TMEM33: variants seen among roughly 807,000 people sequenced by gnomAD.
TMEM33 encodes transmembrane protein 33.
In TMEM33, 16 loss-of-function variants were observed where a neutral mutation model predicts 29.7. That is an observed-to-expected ratio of 0.54 (90% confidence interval 0.36 to 0.82). The LOEUF (loss-of-function observed/expected upper bound fraction) is 0.82, where lower values mean the gene tolerates loss of function less well. Among genes scored for constraint, TMEM33 ranks in the 40% least tolerant of loss-of-function variants. TMEM33 has a pLI of 0.00. For missense variants in TMEM33, 252 were observed against 295.3 expected (o/e 0.85, Z 1.08); for synonymous variants, 112 against 109.4 (o/e 1.02, Z -0.15).
chr4:41,935,755 C>T (rs1427539233), intron 1 of TMEM33, among the ~76,000 whole-genome samples: 1 of 152,164 alleles, frequency 6.6e-6, no homozygotes, highest in Non-Finnish European at 1.5e-5. Flanking sequence ...AGCTGGTGGC[C>T]CCCACCTGTA....
At position 41,954,371 on chromosome 4, in the gene TMEM33, A is replaced by G. The variant is rs1175308260; in HGVS notation, c.*172A>G. ...TTTCTTGGCATGTTAAATCAAGCTT[A>G]AAAAGTTTTGAGAAAATTTTACTGC... is the stretch of plus-strand genomic sequence containing the variant. On this transcript the variant is annotated 3_prime_UTR_variant, in exon 7 of 7. Coordinates refer to ENST00000504986, the MANE Select transcript of TMEM33 (RefSeq NM_018126.3). The G allele has an allele frequency of 2.4e-6, 2 of 827,578 alleles. No homozygotes were observed. The highest frequency in any genetic ancestry group is 3.0e-5 in the East Asian group (1 of 33,560). 51.3% of individuals were successfully genotyped at this position (827,578 alleles called of 1,614,324 possible).
At chr4:41,947,628 A>T (rs1712853663) in intron 5 of TMEM33, among the ~76,000 whole-genome samples, 1 of 152,216 alleles carries the variant, frequency 6.6e-6, no homozygotes, top group African/African-American at 2.4e-5. Context: ...AAATCAGCTT[A>T]TAAAGTGGTA....
chr4:41,954,966 T>C lies in TMEM33; in HGVS notation c.*767T>C, dbSNP rs1713198425. The C allele has an allele frequency of 6.6e-6, 1 of 152,630 alleles. No homozygotes were observed. Among genetic ancestry groups the C allele is most frequent in the South Asian group, 2.1e-4 (1 of 4,838 alleles). 9.5% of individuals were successfully genotyped at this position (152,630 alleles called of 1,614,324 possible). ...CTCAAACAGGAAATCCTTCTTTTAC[T>C]AATGTGGACATATAGATTATTCGTA... On this transcript the variant is annotated 3_prime_UTR_variant, in exon 7 of 7. Coordinates refer to ENST00000504986, the MANE Select transcript of TMEM33 (RefSeq NM_018126.3).
In TMEM33 at chr4:41,937,103, T is replaced by C. The variant is rs77460735; in HGVS notation, c.46-1499T>C. On this transcript the variant is annotated intron_variant, in intron 1 of 6. Coordinates refer to ENST00000504986, the MANE Select transcript of TMEM33 (RefSeq NM_018126.3). ...GGTTGGACAGTTTACTCTTAAAAAATGTATACCAATAGACTTTCTTAAACT... is the reference window on the plus strand; with the variant it reads ...GGTTGGACAGTTTACTCTTAAAAAACGTATACCAATAGACTTTCTTAAACT... Among the ~76,000 whole-genome samples the C allele has an allele frequency of 3.8e-3, 578 of 151,630 alleles. 1 individual carries two copies. The highest frequency in any genetic ancestry group is 6.4e-3 in the Non-Finnish European group (433 of 67,962).
Position 41,954,055 on chromosome 4 carries a change from T to C in TMEM33, c.615-15T>C, listed in dbSNP as rs1182153070. On this transcript the variant is annotated splice_polypyrimidine_tract_variant and intron_variant, in intron 6 of 6. Coordinates refer to ENST00000504986, the MANE Select transcript of TMEM33 (RefSeq NM_018126.3). ...TTTCCTTGTGTTTCTCAAAGAAAACTATTTTGTCTTGCAGGACCTTATTTA... is the reference window on the plus strand; with the variant it reads ...TTTCCTTGTGTTTCTCAAAGAAAACCATTTTGTCTTGCAGGACCTTATTTA... The C allele has an allele frequency of 5.6e-6, 9 of 1,611,478 alleles. No homozygotes were observed. The highest frequency in any genetic ancestry group is 1.3e-5 in the African/African-American group (1 of 74,822).
rs781715985 is a variant in TMEM33 at position 41,938,700 on chromosome 4, T to C, written c.140+4T>C. On this transcript the variant is annotated splice_donor_region_variant and intron_variant, in intron 2 of 6. Transcript: ENST00000504986. ...TGTTTGTTCTGCCTCTTCTTGGGTA[T>C]GTATTATACATATTGCTGCCTTTGA... 3.1e-6 allele frequency: 5 copies of C among 1,613,916 alleles called. No individual in the cohort carries two copies. Among genetic ancestry groups the C allele is most frequent in the Non-Finnish European group, 3.4e-6 (4 of 1,179,824 alleles).
In TMEM33 at chr4:41,953,964, CTTCAAT is replaced by C. The variant is rs147894061; in HGVS notation, c.615-103_615-98del. On this transcript the variant is annotated intron_variant, in intron 6 of 6. Transcript: ENST00000504986. The stretch of plus-strand genomic sequence containing the variant: ...TGCTGTATGCGGTGTTGCAACAAAC[CTTCAAT>C]TTGTAAAAAATGAAATATCTATGGA... The C allele has an allele frequency of 1.7e-3, 2,455 of 1,430,134 alleles. 37 individuals are homozygous for C. In the African/African-American group the frequency reaches 0.032, roughly 19 times the overall value. 88.6% of individuals were successfully genotyped at this position (1,430,134 alleles called of 1,614,324 possible).
chr4:41,944,752 A>G (rs746854549), intron 4 of TMEM33, 41 bp from the exon 5 acceptor site: 1 of 1,603,920 alleles, frequency 6.2e-7, no homozygotes, highest in South Asian at 1.1e-5. Context: ...GTTATCAGAA[A>G]TGCTTCACTT....
At chr4:41,938,926 AATGAG>A (rs1712380595) in intron 2 of TMEM33, among the ~76,000 whole-genome samples, 1 of 152,248 alleles carries the variant, frequency 6.6e-6, no homozygotes, top group South Asian at 2.1e-4. Context: ...GATGTGTGGG[AATGAG>A]ATAAGTTCAT....
chr4:41,950,782 A>C (rs1037242872), intron 6 of TMEM33, among the ~76,000 whole-genome samples: 3 of 152,054 alleles, frequency 2.0e-5, no homozygotes, highest in African/African-American at 7.2e-5. Flanking sequence ...CTGTTATTTT[A>C]ATCAGCATAT....
intron 6 of TMEM33, among the ~76,000 whole-genome samples, chr4:41,950,456 A>G (rs1371424042): frequency 4.6e-5 from 7 of 152,108 alleles, no homozygotes; most frequent in Admixed American, 3.9e-4. Context: ...GGATTTCTTC[A>G]TTGGTAGAGG....
rs1713206212 is a variant in TMEM33 at position 41,955,099 on chromosome 4, G to A, written c.*900G>A. 1.3e-5 allele frequency: 2 copies of A among 152,602 alleles called. No individual in the cohort carries two copies. The highest frequency in any genetic ancestry group is 2.9e-5 in the Non-Finnish European group (2 of 68,024). 9.5% of individuals were successfully genotyped at this position (152,602 alleles called of 1,614,324 possible). On this transcript the variant is annotated 3_prime_UTR_variant, in exon 7 of 7. Transcript: ENST00000504986. ...GCAACAGTTTAGATGCCTTTTGAAA[G>A]GAATGTAATGAAGATTCAGCATCTG...
upstream of TMEM33, chr4:41,935,326 C>T (rs1248697487): frequency 4.9e-5 from 39 of 792,454 alleles, no homozygotes; most frequent in Non-Finnish European, 4.3e-6. Context: ...CGAGACCCTT[C>T]CCTGGTGGAG....
At chr4:41,944,522 A>G (rs1712693085) in intron 4 of TMEM33, among the ~76,000 whole-genome samples, 3 of 152,200 alleles carry the variant, frequency 2.0e-5, no homozygotes, top group African/African-American at 7.2e-5. Context: ...AATAACCACT[A>G]TTTTTTGTTA....
In TMEM33 at chr4:41,935,473, G is replaced by A. The variant is rs748855233; in HGVS notation, c.-12G>A. ...CGCGGTTGCGGCGTCGCAGACGCTA[G>A]TGTGAGCCCCCATGGCAGATACGAC... On this transcript the variant is annotated 5_prime_UTR_variant, in exon 1 of 7. It adds an upstream start codon to the 5' untranslated region. Transcript: ENST00000504986. The A allele has an allele frequency of 6.2e-7, 1 of 1,607,008 alleles. No individual in the cohort carries two copies. Among genetic ancestry groups the A allele is most frequent in the South Asian group, 1.1e-5 (1 of 89,724 alleles).
At chr4:41,943,941 T>A in intron 4 of TMEM33, 127 bp downstream of exon 4, 1 of 779,008 alleles carries the variant, frequency 1.3e-6, no homozygotes, top group Non-Finnish European at 2.1e-6. Context: ...ATGAATTATT[T>A]AGTGATTTGA....
Position 41,944,812 on chromosome 4 carries a change from T to C in TMEM33, c.416T>C (p.Leu139Ser). The C allele has an allele frequency of 6.2e-7, 1 of 1,613,204 alleles. No homozygotes were observed. Among genetic ancestry groups the C allele is most frequent in the Non-Finnish European group, 8.5e-7 (1 of 1,179,720 alleles). ...TTTTAGGCAAGGGGCTCAAATAGTT[T>C]ACCTCTGCTGAGATCTGTCTTGGAC... is the stretch of plus-strand genomic sequence containing the variant. ...KVLDARGSNS[L>S]PLLRSVLDKL... Residue 139 changes from leucine (L) to serine (S), a missense_variant, in exon 5 of 7, where the codon TTA becomes TCA. By Grantham distance (145) the Leu-to-Ser change is moderately radical. Transcript: ENST00000504986.
upstream of TMEM33, chr4:41,935,262 G>A: frequency 8.0e-6 from 5 of 622,718 alleles, 1 homozygote; most frequent in South Asian, 9.4e-5. Context: ...GTGCGGGACA[G>A]GTACCTCCCG....
chr4:41,941,632 T>TGAA lies in TMEM33; in HGVS notation c.329-2112_329-2110dup, dbSNP rs200452204. ...GGTAGCCCCTCTTTCCTGGGAATGT[T>TGAA]GAAGATTAAGGATTTCATATTCCTT... On this transcript the variant is annotated intron_variant, in intron 3 of 6. Transcript: ENST00000504986. 4.9e-3 allele frequency among the ~76,000 whole-genome samples: 742 copies of TGAA among 152,322 alleles called. 5 individuals are homozygous for TGAA. The highest frequency in any genetic ancestry group is 6.9e-3 in the Non-Finnish European group (471 of 68,036).
Sources: allele counts gnomAD v4.1 joint callset (sites outside exome capture counted in the v4.1 genomes callset), GRCh38; gene constraint gnomAD v4.1.1; transcripts MANE v1.5; gene names NCBI Gene and HGNC (gene_info 2026-07-23, HGNC 2026-07-21).